The following NETO1 variants were observed in gnomAD, a reference collection of about 807,000 sequenced individuals.
The protein encoded by NETO1 is neuropilin and tolloid-like protein 1.
A neutral mutation model predicts 61.3 loss-of-function variants in NETO1; 26 were observed. The ratio of observed to expected loss-of-function variants is 0.42; its 90% CI spans 0.31 to 0.59. The LOEUF is 0.59. Ranked by LOEUF, NETO1 falls within the 20% of genes least tolerant of loss-of-function variation. The pLI is 0.12. For synonymous variants in NETO1, 225 were observed against 225.8 expected (o/e 1.00, Z 0.03); for missense variants, 531 against 662.8 (o/e 0.80, Z 2.18).
At chr18:72,789,235 C>CACAT (rs2072032008) in intron 6 of NETO1, among the ~76,000 whole-genome samples, 1 of 146,646 alleles carries the variant, frequency 6.8e-6, no homozygotes, top group South Asian at 2.3e-4. Context: ...CACACACACA[C>CACAT]ACACACACAC....
In NETO1 at chr18:72,844,360, GCTCA is replaced by G. The variant is rs1245994032; in HGVS notation, c.469+14462_469+14465del. Reference sequence around the variant, plus strand: ...TTTTCTGTTCCTTTGTTCTCTCTCTGCTCAATCATCCACATTCTGATACATCGCA... The same window carrying G: ...TTTTCTGTTCCTTTGTTCTCTCTCTGATCATCCACATTCTGATACATCGCA... On this transcript the variant is annotated intron_variant, in intron 4 of 10. Coordinates refer to ENST00000327305, the MANE Select transcript of NETO1 (RefSeq NM_138966.5). Among the ~76,000 whole-genome samples, 4 of 152,086 alleles carry G rather than the reference GCTCA, an allele frequency of 2.6e-5. No individual in the cohort carries two copies. The East Asian group carries it at 7.7e-4, about 29-fold the overall frequency.
intron 6 of NETO1, among the ~76,000 whole-genome samples, chr18:72,785,487 A>G (rs2071882742): frequency 6.6e-6 from 1 of 152,176 alleles, no homozygotes; most frequent in Non-Finnish European, 1.5e-5. Flanking sequence ...TCTAATAAAA[A>G]CTAGTTTACT....
intron 7 of NETO1, among the ~76,000 whole-genome samples, chr18:72,756,645 A>G (rs1320610128): frequency 6.6e-6 from 1 of 152,200 alleles, no homozygotes; most frequent in Non-Finnish European, 1.5e-5. Flanking sequence ...TGCCATGGAA[A>G]TTCAGAATCA....
chr18:72,764,448 T>A, intron 7 of NETO1, among the ~76,000 whole-genome samples: 1 of 152,106 alleles, frequency 6.6e-6, no homozygotes, highest in Admixed American at 6.5e-5. Flanking sequence ...GTAACTAAGG[T>A]GATTTTCCCC....
At chr18:72,753,274 A>G (rs1599088377) in intron 8 of NETO1, among the ~76,000 whole-genome samples, 1 of 152,024 alleles carries the variant, frequency 6.6e-6, no homozygotes, top group Admixed American at 6.6e-5. Flanking sequence ...GGAAAAAAAA[A>G]ACTCATCATA....
chr18:72,855,016 TGTTTA>T (rs1416255582), intron 4 of NETO1, among the ~76,000 whole-genome samples: 1 of 152,188 alleles, frequency 6.6e-6, no homozygotes, highest in Admixed American at 6.5e-5. Flanking sequence ...ATTTAAAACT[TGTTTA>T]AAGACTCTTT....
At chr18:72,805,799 C>A (rs537818242) in intron 4 of NETO1, among the ~76,000 whole-genome samples, 2 of 152,090 alleles carry the variant, frequency 1.3e-5, no homozygotes, top group South Asian at 4.2e-4. Flanking sequence ...TTGGGAGTGA[C>A]GTAACCTAAA....
At chr18:72,845,030 T>C (rs2074043553) in intron 4 of NETO1, among the ~76,000 whole-genome samples, 1 of 152,216 alleles carries the variant, frequency 6.6e-6, no homozygotes. Flanking sequence ...AAACTGGGTA[T>C]AAACACACTG....
intron 4 of NETO1, among the ~76,000 whole-genome samples, chr18:72,841,057 G>T (rs1244846902): frequency 6.6e-6 from 1 of 152,120 alleles, no homozygotes; most frequent in Non-Finnish European, 1.5e-5. Context: ...TTCTGTTTTG[G>T]TGACTACTCT....
At chr18:72,798,627 C>T (rs766906755) in intron 4 of NETO1, among the ~76,000 whole-genome samples, 21 of 152,154 alleles carry the variant, frequency 1.4e-4, no homozygotes, top group African/African-American at 2.2e-4. Flanking sequence ...TCCATCAATG[C>T]GTCTTTCCCA....
intron 4 of NETO1, among the ~76,000 whole-genome samples, chr18:72,829,631 A>T (rs2073508493): frequency 1.3e-5 from 2 of 152,194 alleles, no homozygotes. Context: ...ATATATGCTT[A>T]ATTTTTAGAA....
rs9958757 is a variant in NETO1 at position 72,766,290 on chromosome 18, C to T, written c.869-10143G>A. On this transcript the variant is annotated intron_variant, in intron 7 of 10. Coordinates refer to ENST00000327305, the MANE Select transcript of NETO1 (RefSeq NM_138966.5). ...TACTATCATTTTTAATTGTGGTACTCTACACAAACAAAAATATAAAAAATA... is the reference window on the plus strand; with the variant it reads ...TACTATCATTTTTAATTGTGGTACTTTACACAAACAAAAATATAAAAAATA... Among the ~76,000 whole-genome samples the T allele has an allele frequency of 8.2e-3, 1,230 of 150,096 alleles. 17 individuals carry two copies. Among genetic ancestry groups the T allele is most frequent in the African/African-American group, 0.028 (1,155 of 40,764 alleles).
intron 6 of NETO1, among the ~76,000 whole-genome samples, chr18:72,789,113 T>A (rs1026307668): frequency 1.3e-5 from 2 of 152,042 alleles, no homozygotes; most frequent in African/African-American, 2.4e-5. Context: ...GTTTATAAAC[T>A]TATGTAGAAT....
chr18:72,858,753 A>C, intron 4 of NETO1, 73 bp downstream of exon 4: 1 of 1,386,746 alleles, frequency 7.2e-7, no homozygotes. Flanking sequence ...ATGTTGTCTT[A>C]CACAAGATTT....
intron 1 of NETO1, chr18:72,865,455 TG>T: frequency 7.9e-7 from 1 of 1,271,294 alleles, no homozygotes; most frequent in Non-Finnish European, 1.1e-6. Flanking sequence ...AAGTTAAGAA[TG>T]GATGAGACCC....
chr18:72,825,910 G>C (rs2073357884), intron 4 of NETO1, among the ~76,000 whole-genome samples: 1 of 152,038 alleles, frequency 6.6e-6, no homozygotes, highest in Non-Finnish European at 1.5e-5. Flanking sequence ...TAAGTGTTGA[G>C]ATTTTCTTTG....
intron 7 of NETO1, among the ~76,000 whole-genome samples, chr18:72,771,501 A>G (rs1437514219): frequency 1.3e-5 from 2 of 152,176 alleles, no homozygotes; most frequent in Non-Finnish European, 2.9e-5. Flanking sequence ...AGCAACCATC[A>G]TATTCATCTT....
Position 72,783,680 on chromosome 18 carries a change from T to C in NETO1, c.866A>G (p.Glu289Gly). Residue 289 changes from glutamate (E) to glycine (G), a missense_variant and splice_region_variant, in exon 7 of 11, where the codon GAA becomes GGA. Transcript: ENST00000327305. ...RFQMLFTSFQ[E>G]PPCEGNTFFC... ...TAGTCAAGTGCAGAGAATCTTACGT[T>C]CTTGAAAGGATGTGAAGAGCATCTG... The C allele has an allele frequency of 6.2e-7, 1 of 1,613,808 alleles. No homozygotes were observed. The highest frequency in any genetic ancestry group is 8.5e-7 in the Non-Finnish European group (1 of 1,179,700).
At chr18:72,843,762 T>G (rs1049325437) in intron 4 of NETO1, among the ~76,000 whole-genome samples, 1 of 152,188 alleles carries the variant, frequency 6.6e-6, no homozygotes, top group African/African-American at 2.4e-5. Flanking sequence ...ATAAAGCGTA[T>G]TTTTAGGGTC....
Sources: gnomAD v4.1 joint callset for allele counts (sites outside exome capture counted in the v4.1 genomes callset) on GRCh38, gnomAD v4.1.1 for gene constraint, MANE v1.5 for transcripts, NCBI Gene and HGNC (gene_info 2026-07-23, HGNC 2026-07-21) for gene names.